The following VAT1L variants were observed in gnomAD, a reference collection of about 807,000 sequenced individuals.
The protein encoded by VAT1L is putative NADPH-dependent quinone oxidoreductase VAT1L.
Under a neutral mutation model 44.1 loss-of-function variants are expected in VAT1L, and 34 were observed. That is an observed-to-expected ratio of 0.77 (90% CI 0.59 to 1.03). The LOEUF (loss-of-function observed/expected upper bound fraction) is 1.03. Ranked by LOEUF, VAT1L falls within the 50% of genes least tolerant of loss-of-function variation. The pLI is 0.00. For missense variants in VAT1L, 615 were observed against 538.8 expected (o/e 1.14, Z -1.40); for synonymous variants, 253 against 202.2 (o/e 1.25, Z -2.13).
chr16:77,924,466 G>GT (rs756521753), intron 7 of VAT1L, among the ~76,000 whole-genome samples: 108 of 150,462 alleles, frequency 7.2e-4, no homozygotes, highest in Non-Finnish European at 1.1e-3. Context: ...CCTCCCCACT[G>GT]TTTTTTTTTC....
rs138447049 is a variant in VAT1L, at chr16:77,963,888, G to A, written c.1078-7962G>A. 7.4e-4 allele frequency among the ~76,000 whole-genome samples: 112 copies of A among 152,322 alleles called. 2 individuals carry two copies. Among genetic ancestry groups the A allele is most frequent in the African/African-American group, 2.6e-3 (107 of 41,574 alleles). ...AGACGAGCTGTCTCACTAGCAAAGA[G>A]GACGTCTTCGCAATACGTGAAGACC... On this transcript the variant is annotated intron_variant, in intron 7 of 8. Coordinates refer to ENST00000302536, the MANE Select transcript of VAT1L (RefSeq NM_020927.3).
intron 7 of VAT1L, among the ~76,000 whole-genome samples, chr16:77,938,203 TG>T (rs1158952222): frequency 6.6e-6 from 1 of 152,198 alleles, no homozygotes; most frequent in East Asian, 1.9e-4. Context: ...GTGGCCCTAA[TG>T]CACAGATGAA....
chr16:77,958,767 G>C lies in VAT1L; in HGVS notation c.1078-13083G>C, dbSNP rs552598069. 1.1e-4 allele frequency among the ~76,000 whole-genome samples: 16 copies of C among 152,266 alleles called. No individual in the cohort carries two copies. In the South Asian group the frequency reaches 3.3e-3, roughly 32 times the overall value. ...TACCATCCAAGGACGCAGGACAAAA[G>C]GAACAGTTGCTCCATCCAGATTACA... On this transcript the variant is annotated intron_variant, in intron 7 of 8. Coordinates refer to ENST00000302536, the MANE Select transcript of VAT1L (RefSeq NM_020927.3).
At chr16:77,895,459 T>C (rs2017313904) in intron 7 of VAT1L, among the ~76,000 whole-genome samples, 1 of 151,834 alleles carries the variant, frequency 6.6e-6, no homozygotes. Context: ...TCCAATACAA[T>C]CACAAGGGCC....
intron 7 of VAT1L, among the ~76,000 whole-genome samples, chr16:77,951,494 C>T (rs1490571615): frequency 1.3e-5 from 2 of 152,060 alleles, no homozygotes; most frequent in Non-Finnish European, 2.9e-5. Context: ...TGCAGTGAGC[C>T]GAGATTGCGC....
At chr16:77,912,857 C>T (rs430444) in intron 7 of VAT1L, among the ~76,000 whole-genome samples, 61,656 of 151,946 alleles carry the variant, frequency 0.41, 13,933 homozygotes, top group African/African-American at 0.61. Flanking sequence ...TCTTCTTGGC[C>T]TGTAGATGGC....
chr16:77,964,482 C>T (rs1303271087), intron 7 of VAT1L, among the ~76,000 whole-genome samples: 1 of 152,166 alleles, frequency 6.6e-6, no homozygotes, highest in African/African-American at 2.4e-5. Context: ...CACCTGCTCT[C>T]TGAGCCAAAC....
rs1179210777 is a variant in VAT1L, at chr16:77,879,794, T to C, written c.882+570T>C. Among the ~76,000 whole-genome samples the C allele has an allele frequency of 1.3e-5, 2 of 152,204 alleles. No individual in the cohort carries two copies. The highest frequency in any genetic ancestry group is 2.9e-5 in the Non-Finnish European group (2 of 68,026). ...ATTTCAGTCAAAATTGCTTAAGTGTTGGTGTCTTTAATTATTGGTCAAAAA... is the reference window on the plus strand; with the variant it reads ...ATTTCAGTCAAAATTGCTTAAGTGTCGGTGTCTTTAATTATTGGTCAAAAA... On this transcript the variant is annotated intron_variant, in intron 6 of 8. Coordinates refer to ENST00000302536, the MANE Select transcript of VAT1L (RefSeq NM_020927.3). The surrounding 1 kb of genome is among the most constrained non-coding windows in gnomAD (Gnocchi z 4.1).
intron 3 of VAT1L, among the ~76,000 whole-genome samples, chr16:77,847,389 A>G (rs1171899957): frequency 1.3e-5 from 2 of 152,222 alleles, no homozygotes; most frequent in Non-Finnish European, 2.9e-5. Flanking sequence ...CTTCTGACGT[A>G]TAAACCTGTG....
In VAT1L at chr16:77,884,872, A is replaced by C; in HGVS notation, c.1077+70A>C. ...CTCAGGAAGGTTTGGGCAGCCAAAT[A>C]CAATCTTCTACTAAATGATTTTTTT... On this transcript the variant is annotated intron_variant, in intron 7 of 8. Transcript: ENST00000302536. This position sits in a 1 kb window ranked among gnomAD's most constrained non-coding sequence, Gnocchi z 4.5. 7.2e-7 allele frequency: 1 copy of C among 1,392,328 alleles called. No individual in the cohort carries two copies. Among genetic ancestry groups the C allele is most frequent in the Non-Finnish European group, 9.4e-7 (1 of 1,063,462 alleles). The allele number at this position is 1,392,328 out of a possible 1,614,324, so 86.2% of individuals were successfully genotyped here.
rs1273852949 is a variant in VAT1L, at chr16:77,971,779, C to T, written c.1078-71C>T. On this transcript the variant is annotated intron_variant, in intron 7 of 8. Coordinates refer to ENST00000302536, the MANE Select transcript of VAT1L (RefSeq NM_020927.3). ...TGGTGGTCACTTGACAGTTTGAGTTCTCCAGGCCCCCTTTTTAACTGGGGA... is the reference window on the plus strand; with the variant it reads ...TGGTGGTCACTTGACAGTTTGAGTTTTCCAGGCCCCCTTTTTAACTGGGGA... The T allele has an allele frequency of 5.2e-6, 8 of 1,523,904 alleles. No individual in the cohort carries two copies. In the Admixed American group the frequency reaches 1.1e-4, roughly 22 times the overall value. The allele number at this position is 1,523,904 out of a possible 1,614,324, so 94.4% of individuals were successfully genotyped here. A position where few individuals can be genotyped will look rare whatever the true frequency, so the allele number is the denominator to read the frequency against.
At chr16:77,803,349 T>C (rs932937934) in intron 1 of VAT1L, among the ~76,000 whole-genome samples, 2 of 151,994 alleles carry the variant, frequency 1.3e-5, no homozygotes, top group South Asian at 2.1e-4. Flanking sequence ...AAAGTTCTAT[T>C]GGACATGTCT....
At chr16:77,889,642 A>T (rs73579170) in intron 7 of VAT1L, among the ~76,000 whole-genome samples, 2,782 of 152,372 alleles carry the variant, frequency 0.018, 73 homozygotes, top group African/African-American at 0.063. Context: ...TACAGTAGTC[A>T]TAGACAACGT....
intron 3 of VAT1L, among the ~76,000 whole-genome samples, chr16:77,843,503 A>G (rs552482608): frequency 7.9e-5 from 12 of 152,352 alleles, no homozygotes; most frequent in East Asian, 7.7e-4. Flanking sequence ...AGTTCTAAAC[A>G]TTCCAGGGAA....
chr16:77,939,745 A>G (rs1249097303), intron 7 of VAT1L, among the ~76,000 whole-genome samples: 1 of 152,186 alleles, frequency 6.6e-6, no homozygotes, highest in Non-Finnish European at 1.5e-5. Context: ...TCCTGCACTC[A>G]ATTTATTGTC....
intron 7 of VAT1L, among the ~76,000 whole-genome samples, chr16:77,921,494 C>T: frequency 6.6e-6 from 1 of 152,288 alleles, no homozygotes; most frequent in East Asian, 1.9e-4. Context: ...CTTCTGGGGA[C>T]CACAGATCCT....
intron 7 of VAT1L, among the ~76,000 whole-genome samples, chr16:77,886,647 G>T (rs898127130): frequency 6.6e-6 from 1 of 152,196 alleles, no homozygotes; most frequent in Non-Finnish European, 1.5e-5. Context: ...AAGATCCCAT[G>T]ACTTCATGGA....
At chr16:77,834,488 G>C (rs111617901) in intron 3 of VAT1L, among the ~76,000 whole-genome samples, 1 of 152,122 alleles carries the variant, frequency 6.6e-6, no homozygotes, top group African/African-American at 2.4e-5. Context: ...GGCCTGCCCC[G>C]TCCTGTGAGA....
At chr16:77,920,201 A>C (rs2017596938) in intron 7 of VAT1L, among the ~76,000 whole-genome samples, 2 of 152,200 alleles carry the variant, frequency 1.3e-5, no homozygotes, top group African/African-American at 4.8e-5. Flanking sequence ...TTCAAACAGG[A>C]CCTAGTCAGT....
Sources: allele counts gnomAD v4.1 joint callset (sites outside exome capture counted in the v4.1 genomes callset), GRCh38; gene constraint gnomAD v4.1.1; non-coding constraint Gnocchi (gnomAD v3.1); transcripts MANE v1.5; gene names NCBI Gene and HGNC (gene_info 2026-07-23, HGNC 2026-07-21).